Variants in CENPE observed in about 807,000 individuals in gnomAD.
CENPE encodes the protein centromere protein E.
CENPE carries 145 observed loss-of-function variants against 336.1 expected under a neutral mutation model. The ratio of observed to expected loss-of-function variants is 0.43; its 90% CI spans 0.38 to 0.50. The LOEUF (loss-of-function observed/expected upper bound fraction) is 0.50, where lower values mean the gene tolerates loss of function less well. CENPE is among the 20% of genes least tolerant of loss of function. The pLI is 0.00. For synonymous variants in CENPE, 1,013 were observed against 984.8 expected, an observed-to-expected ratio of 1.03 and a Z score of -0.54; for missense variants, 2,719 against 3,023.3, an observed-to-expected ratio of 0.90 and a Z score of 2.36.
chr4:103,196,824 T>C lies in CENPE; in HGVS notation c.83A>G (p.Gln28Arg), dbSNP rs756775709. 3.8e-6 allele frequency: 6 copies of C among 1,592,910 alleles called. No individual in the cohort carries two copies. Among genetic ancestry groups the C allele is most frequent in the South Asian group, 3.3e-5 (3 of 89,572 alleles). ...ATTATTGTCAGTTTTCCAGTAAACT[T>C]GGGCAGTTTCTCCAAGTGATTCTTC... ...SREESLGETA[Q>R]VYWKTDNNVI... Residue 28 changes from glutamine (Q) to arginine (R), a missense_variant, in exon 2 of 49, where the codon CAA becomes CGA. By Grantham distance (43) the Gln-to-Arg change is conservative (BLOSUM62 1). Coordinates refer to ENST00000265148, the MANE Select transcript of CENPE (RefSeq NM_001813.3).
intron 44 of CENPE, among the ~76,000 whole-genome samples, chr4:103,116,928 A>C (rs536931474): frequency 4.6e-5 from 7 of 152,304 alleles, no homozygotes; most frequent in African/African-American, 1.7e-4. Flanking sequence ...ATATGCAATT[A>C]GAAACATGAT....
At chr4:103,131,522 G>A (rs1007927482) in intron 42 of CENPE, among the ~76,000 whole-genome samples, 13 of 152,122 alleles carry the variant, frequency 8.5e-5, no homozygotes, top group South Asian at 2.1e-4. Flanking sequence ...AAATGGTACC[G>A]CCCCTTTGGA....
intron 39 of CENPE, among the ~76,000 whole-genome samples, chr4:103,136,850 A>G (rs1313847109): frequency 6.6e-6 from 1 of 152,188 alleles, no homozygotes. Flanking sequence ...TCTGCCTACA[A>G]TCTGTTTTCT....
intron 40 of CENPE, 75 bp from the exon 41 acceptor site, chr4:103,133,967 T>C: frequency 1.1e-6 from 1 of 891,746 alleles, no homozygotes; most frequent in Non-Finnish European, 1.8e-6. Flanking sequence ...TCCTTGAGAC[T>C]ATGAGGTAGG....
At chr4:103,170,199 G>C (rs544974221) in intron 16 of CENPE, among the ~76,000 whole-genome samples, 34 of 152,114 alleles carry the variant, frequency 2.2e-4, no homozygotes, top group Non-Finnish European at 1.5e-5. Context: ...CGAGTTAATG[G>C]GTGCAGCACA....
chr4:103,148,111 C>T, intron 28 of CENPE, among the ~76,000 whole-genome samples: 1 of 152,196 alleles, frequency 6.6e-6, no homozygotes, highest in East Asian at 1.9e-4. Context: ...CATTTTCCCT[C>T]AATTCCTGCT....
At chr4:103,118,227 C>G (rs1750311963) in intron 44 of CENPE, among the ~76,000 whole-genome samples, 1 of 152,146 alleles carries the variant, frequency 6.6e-6, no homozygotes, top group Non-Finnish European at 1.5e-5. Flanking sequence ...CACACACCAG[C>G]ATTTGGTGGT....
chr4:103,131,910 C>T (rs1751620668), intron 42 of CENPE, among the ~76,000 whole-genome samples: 1 of 152,012 alleles, frequency 6.6e-6, no homozygotes, highest in Non-Finnish European at 1.5e-5. Flanking sequence ...ACTATGGAGA[C>T]AGTAAAAAGA....
At chr4:103,106,347 C>A in intron 48 of CENPE, 31 bp from the exon 49 acceptor site, 2 of 1,529,292 alleles carry the variant, frequency 1.3e-6, no homozygotes, top group African/African-American at 1.4e-5. Flanking sequence ...AACATTCATC[C>A]TATTACAAAA....
At position 103,195,232 on chromosome 4, in the gene CENPE, A is replaced by C. The variant is rs774798761; in HGVS notation, c.359T>G (p.Phe120Cys). Residue 120 changes from phenylalanine to cysteine, a missense_variant and splice_region_variant, in exon 5 of 49, where the codon TTT becomes TGT. By Grantham distance (205) the Phe-to-Cys change is radical (BLOSUM62 -2). This residue lies in a region of CENPE where 106 missense variants were observed against 189.3 expected (regional missense o/e 0.56). Coordinates refer to ENST00000265148, the MANE Select transcript of CENPE (RefSeq NM_001813.3). ...ACGTAAGAGAAATTCCCTATCAGGAAACTAGAAGAAAAAAAATTATATAAA... is the reference window on the plus strand; with the variant it reads ...ACGTAAGAGAAATTCCCTATCAGGACACTAGAAGAAAAAAAATTATATAAA... ...IHDIFQKIKK[F>C]PDREFLLRVS... 2 of 1,569,426 alleles carry C rather than the reference A, an allele frequency of 1.3e-6. No individual in the cohort carries two copies. The highest frequency in any genetic ancestry group is 2.4e-5 in the South Asian group (2 of 82,608).
intron 16 of CENPE, among the ~76,000 whole-genome samples, chr4:103,172,730 A>C (rs1405907154): frequency 6.6e-6 from 1 of 152,060 alleles, no homozygotes; most frequent in Non-Finnish European, 1.5e-5. Context: ...ACAACTAATA[A>C]AAAACTCAGT....
At chr4:103,137,569 T>C (rs143149166) in intron 39 of CENPE, among the ~76,000 whole-genome samples, 57 of 152,290 alleles carry the variant, frequency 3.7e-4, no homozygotes, top group Middle Eastern at 3.4e-3. Flanking sequence ...CAGCAGCATA[T>C]TGAACACTGA....
chr4:103,141,835 A>C lies in CENPE; in HGVS notation c.5378T>G (p.Leu1793Arg). The C allele has an allele frequency of 6.3e-7, 1 of 1,595,578 alleles. No individual in the cohort carries two copies. Among genetic ancestry groups the C allele is most frequent in the Non-Finnish European group, 8.6e-7 (1 of 1,165,968 alleles). ...TGTCTTCTCAGAAACAATTCCTCTG[A>C]GTTTGTCAATAGTTTCCTGCTGCTC... The part of the protein sequence containing the change: ...LKEQQETIDK[L>R]RGIVSEKTDK... The change falls in exon 35 of 49, where the codon CTC becomes CGC. Residue 1793 changes from leucine to arginine, a missense_variant. Around this residue, in one of 5 missense-constraint regions of CENPE, gnomAD observed 2,437 missense variants for 2,513.3 expected, o/e 0.97. Transcript: ENST00000265148.
At chr4:103,138,986 G>A (rs931000906) in intron 38 of CENPE, among the ~76,000 whole-genome samples, 5 of 151,992 alleles carry the variant, frequency 3.3e-5, no homozygotes, top group South Asian at 2.1e-4. Context: ...CTTTATTGGC[G>A]CCAACCAAAT....
At position 103,106,236 on chromosome 4, in the gene CENPE, A is replaced by T; in HGVS notation, c.8092T>A (p.Cys2698Ser). ...HASSGKDVPE[C>S]KTQ ...CAAAGAGGAGTCTACTGAGTTTTGC[A>T]CTCAGGCACATCCTTGCCTGAGGAG... Residue 2698 changes from cysteine to serine, a missense_variant, in exon 49 of 49, where the codon TGC becomes AGC. Physicochemically the swap from Cys to Ser is moderately radical, Grantham distance 112 (BLOSUM62 -1). Transcript: ENST00000265148. The T allele has an allele frequency of 6.3e-7, 1 of 1,583,128 alleles. No homozygotes were observed. The highest frequency in any genetic ancestry group is 8.6e-7 in the Non-Finnish European group (1 of 1,162,190).
intron 16 of CENPE, among the ~76,000 whole-genome samples, chr4:103,165,269 T>A (rs1754805858): frequency 6.6e-6 from 1 of 152,166 alleles, no homozygotes; most frequent in African/African-American, 2.4e-5. Context: ...AATATTTAAC[T>A]TACATCTCCA....
chr4:103,187,419 A>T lies in CENPE; in HGVS notation c.694-1558T>A, dbSNP rs371664369. Among the ~76,000 whole-genome samples, 24 of 152,352 alleles carry T rather than the reference A, an allele frequency of 1.6e-4. No homozygotes were observed. The East Asian group carries it at 2.5e-3, about 16-fold the overall frequency. ...GAGAGAAAGGTCAGGCTACCCACAA[A>T]GGGAAGCCCATCAGACTAACAGCTG... On this transcript the variant is annotated intron_variant, in intron 8 of 48. Coordinates refer to ENST00000265148, the MANE Select transcript of CENPE (RefSeq NM_001813.3).
Position 103,139,871 on chromosome 4 carries a change from C to A in CENPE, c.6122G>T (p.Arg2041Ile), listed in dbSNP as rs1183811356. ...TTCTTTTATCCTCCTTAGCTCATCT[C>A]TTTCTTTAGCTACAATTCTTATTTC... ...LEEIRIVAKE[R>I]DELRRIKESL... The change falls in exon 38 of 49, where the codon AGA (arginine) becomes ATA (isoleucine). Residue 2041 changes from arginine to isoleucine, a missense_variant. Arg to Ile is a moderately conservative substitution (Grantham distance 97). Around this residue, in one of 5 missense-constraint regions of CENPE, gnomAD observed 2,437 missense variants for 2,513.3 expected, o/e 0.97. Coordinates refer to ENST00000265148, the MANE Select transcript of CENPE (RefSeq NM_001813.3). The A allele has an allele frequency of 1.2e-6, 2 of 1,613,126 alleles. No individual in the cohort carries two copies. Among genetic ancestry groups the A allele is most frequent in the Non-Finnish European group, 1.7e-6 (2 of 1,179,536 alleles).
At chr4:103,120,057 G>A (rs1750474321) in intron 44 of CENPE, 91 bp downstream of exon 44, 5 of 882,050 alleles carry the variant, frequency 5.7e-6, no homozygotes, top group South Asian at 3.7e-5. Context: ...GTTGTTGTGA[G>A]AGGGAAGAAT....
Sources: gnomAD v4.1 joint callset for allele counts (sites outside exome capture counted in the v4.1 genomes callset) on GRCh38, gnomAD v4.1.1 for gene constraint, gnomAD v4.1.1 regional missense constraint, MANE v1.5 for transcripts, NCBI Gene and HGNC (gene_info 2026-07-23, HGNC 2026-07-21) for gene names.